Variants in WNT3A observed in about 807,000 individuals in gnomAD.
WNT3A encodes the protein protein Wnt-3a.
A neutral mutation model predicts 37.0 loss-of-function variants in WNT3A; 17 were observed. The observed-to-expected ratio is 0.46, with a 90% CI of 0.31 to 0.69. The LOEUF (loss-of-function observed/expected upper bound fraction) is 0.69, where lower values mean the gene tolerates loss of function less well. Among genes scored for constraint, WNT3A ranks in the 30% least tolerant of loss-of-function variants. The pLI is 0.05. For synonymous variants in WNT3A, 187 were observed against 211.0 expected (o/e 0.89, Z 0.99); for missense variants, 411 against 510.2 (o/e 0.81, Z 1.87).
At chr1:228,047,077 G>C (rs1241884072) in intron 2 of WNT3A, among the ~76,000 whole-genome samples, 1 of 152,170 alleles carries the variant, frequency 6.6e-6, no homozygotes, top group Non-Finnish European at 1.5e-5. Flanking sequence ...CAGCAGCCTG[G>C]GCGGCTGGGG....
chr1:228,057,178 G>A (rs1201509721), intron 3 of WNT3A, among the ~76,000 whole-genome samples: 2 of 152,142 alleles, frequency 1.3e-5, no homozygotes, highest in Non-Finnish European at 2.9e-5. Flanking sequence ...CATAATATAT[G>A]ACACTTAAAG....
intron 3 of WNT3A, among the ~76,000 whole-genome samples, chr1:228,055,095 T>C (rs1426480193): frequency 1.4e-5 from 2 of 140,132 alleles, no homozygotes; most frequent in African/African-American, 5.4e-5. Flanking sequence ...GAGTGCACCA[T>C]TACACTCCAG....
At chr1:228,013,250 C>T (rs567030205) in intron 1 of WNT3A, among the ~76,000 whole-genome samples, 17 of 152,118 alleles carry the variant, frequency 1.1e-4, no homozygotes, top group African/African-American at 3.6e-4. Context: ...GGTCTTGCTC[C>T]GTGGCCCAGG....
intron 2 of WNT3A, among the ~76,000 whole-genome samples, chr1:228,036,202 G>A (rs780071320): frequency 6.6e-6 from 1 of 152,210 alleles, no homozygotes; most frequent in Non-Finnish European, 1.5e-5. Context: ...TGCCAAGATG[G>A]CCTTGTTGAA....
chr1:228,014,135 G>A (rs1202887139), intron 1 of WNT3A, among the ~76,000 whole-genome samples: 1 of 152,192 alleles, frequency 6.6e-6, no homozygotes, highest in Non-Finnish European at 1.5e-5. Context: ...CTCAGGCCAG[G>A]AGGAGGCTGA....
In WNT3A at chr1:228,056,462, T is replaced by A. The variant is rs139455864; in HGVS notation, c.580-2524T>A. ...GAGCTCTTAGAAATTAAAAATATGA[T>A]AACAGAAGCAAAATCCTCAAATTGA... is the stretch of plus-strand genomic sequence containing the variant. On this transcript the variant is annotated intron_variant, in intron 3 of 3. Coordinates refer to ENST00000284523, the MANE Select transcript of WNT3A (RefSeq NM_033131.4). Among the ~76,000 whole-genome samples, 76 of 152,022 alleles carry A rather than the reference T, an allele frequency of 5.0e-4. No homozygotes were observed. The East Asian group carries it at 0.012, about 24-fold the overall frequency.
intron 3 of WNT3A, 37 bp from the exon 4 acceptor site, chr1:228,058,949 G>C: frequency 1.3e-6 from 2 of 1,568,496 alleles, no homozygotes; most frequent in Non-Finnish European, 1.7e-6. Flanking sequence ...CGCACCAGGG[G>C]GCCGCCCTGA....
intron 2 of WNT3A, among the ~76,000 whole-genome samples, chr1:228,030,877 G>A (rs2030985142): frequency 6.6e-6 from 1 of 152,264 alleles, no homozygotes; most frequent in Non-Finnish European, 1.5e-5. Flanking sequence ...TTCTGTGGAA[G>A]GACAGCATGG....
intron 1 of WNT3A, among the ~76,000 whole-genome samples, chr1:228,014,163 C>A (rs188251979): frequency 1.6e-4 from 25 of 152,322 alleles, no homozygotes; most frequent in Admixed American, 2.6e-4. Flanking sequence ...TCCAGCAGGG[C>A]AGCAGGGCCT....
At chr1:228,047,411 C>T (rs904808690) in intron 2 of WNT3A, among the ~76,000 whole-genome samples, 3 of 152,166 alleles carry the variant, frequency 2.0e-5, no homozygotes, top group Non-Finnish European at 2.9e-5. Context: ...ATGGGAGCAA[C>T]GTGCGTTCTT....
chr1:228,047,402 T>C (rs1041950447), intron 2 of WNT3A, among the ~76,000 whole-genome samples: 1 of 152,194 alleles, frequency 6.6e-6, no homozygotes, highest in Non-Finnish European at 1.5e-5. Flanking sequence ...GTTCTTGTTA[T>C]GGGAGCAACG....
At chr1:228,011,429 C>T (rs928674925) in intron 1 of WNT3A, among the ~76,000 whole-genome samples, 13 of 152,170 alleles carry the variant, frequency 8.5e-5, no homozygotes, top group Non-Finnish European at 1.3e-4. Flanking sequence ...CTTCTCCCTT[C>T]GCCCGCATCT....
At chr1:228,045,736 T>C (rs2031388776) in intron 2 of WNT3A, among the ~76,000 whole-genome samples, 1 of 152,120 alleles carries the variant, frequency 6.6e-6, no homozygotes, top group African/African-American at 2.4e-5. Context: ...GGTGGCTGCC[T>C]AGCTGCTCCC....
intron 3 of WNT3A, among the ~76,000 whole-genome samples, chr1:228,056,293 C>A (rs935401740): frequency 5.9e-5 from 9 of 152,096 alleles, no homozygotes; most frequent in Admixed American, 5.9e-4. Flanking sequence ...CCAAAACAAA[C>A]AAACTCAAAC....
At chr1:228,026,499 TG>T (rs1159622318) in intron 2 of WNT3A, among the ~76,000 whole-genome samples, 11 of 152,340 alleles carry the variant, frequency 7.2e-5, no homozygotes, top group East Asian at 5.8e-4. Flanking sequence ...GGGATACAAG[TG>T]TTTTTTTGTT....
intron 2 of WNT3A, among the ~76,000 whole-genome samples, chr1:228,026,669 G>A (rs2030861087): frequency 1.3e-5 from 2 of 152,026 alleles, no homozygotes; most frequent in Admixed American, 1.3e-4. Context: ...ATGCCTTTGT[G>A]TTCTCATAGC....
Position 228,060,271 on chromosome 1 carries a change from TCCAC to T in WNT3A, c.*809_*812del. 1 of 1,351,554 alleles carries T rather than the reference TCCAC, an allele frequency of 7.4e-7. No homozygotes were observed. The highest frequency in any genetic ancestry group is 1.9e-5 in the Admixed American group (1 of 52,548). The allele number at this position is 1,351,554 out of a possible 1,614,324, so 83.7% of individuals were successfully genotyped here. On this transcript the variant is annotated 3_prime_UTR_variant, in exon 4 of 4. Coordinates refer to ENST00000284523, the MANE Select transcript of WNT3A (RefSeq NM_033131.4). ...ATCCCCAACCCCCTGTAAGGTTCCA[TCCAC>T]CCCTGCGTCGAGCTGGGAAGGTTCC...
intron 3 of WNT3A, among the ~76,000 whole-genome samples, chr1:228,056,697 C>T (rs1315396764): frequency 6.6e-6 from 1 of 152,100 alleles, no homozygotes; most frequent in Non-Finnish European, 1.5e-5. Flanking sequence ...GTGACGAGAA[C>T]AACAGAAGAA....
At position 228,031,716 on chromosome 1, in the gene WNT3A, G is replaced by A. The variant is rs2031016445; in HGVS notation, c.313+8808G>A. On this transcript the variant is annotated intron_variant, in intron 2 of 3. Coordinates refer to ENST00000284523, the MANE Select transcript of WNT3A (RefSeq NM_033131.4). The surrounding 1 kb of genome is among the most constrained non-coding windows in gnomAD (Gnocchi z 4.8). Reference sequence around the variant, plus strand: ...TGCCGTGTGCATGTGGCTGTGGCATGCATGTGCATGCCTATGTGTGCATGT... The same window carrying A: ...TGCCGTGTGCATGTGGCTGTGGCATACATGTGCATGCCTATGTGTGCATGT... 6.6e-6 allele frequency among the ~76,000 whole-genome samples: 1 copy of A among 152,150 alleles called. No individual in the cohort carries two copies. The highest frequency in any genetic ancestry group is 2.4e-5 in the African/African-American group (1 of 41,410).
Sources: allele counts gnomAD v4.1 joint callset (sites outside exome capture counted in the v4.1 genomes callset), GRCh38; gene constraint gnomAD v4.1.1; non-coding constraint Gnocchi (gnomAD v3.1); transcripts MANE v1.5; gene names NCBI Gene and HGNC (gene_info 2026-07-23, HGNC 2026-07-21).